Variants in DMD observed in about 807,000 individuals in gnomAD.
The protein encoded by DMD is dystrophin.
DMD carries 63 observed loss-of-function variants against 330.1 expected under a neutral mutation model. The observed-to-expected ratio is 0.19, with a 90% CI of 0.16 to 0.24. DMD has a LOEUF of 0.24. Ranked by LOEUF, DMD falls within the 10% of genes least tolerant of loss-of-function variation. The pLI, the probability that DMD is intolerant of heterozygous loss-of-function variation, is 1.00. For missense variants in DMD, 3,344 were observed against 2,684.1 expected, an observed-to-expected ratio of 1.25 and a Z score of -5.43; for synonymous variants, 1,223 against 959.8, an observed-to-expected ratio of 1.27 and a Z score of -5.07.
chrX:32,323,769 A>C (rs754881039), intron 41 of DMD, among the ~76,000 whole-genome samples: 1 of 111,645 alleles, frequency 9.0e-6, no homozygotes, highest in African/African-American at 3.2e-5. Context: ...ATGAATTATA[A>C]AATTATAGAC....
At chrX:31,675,456 G>A (rs1372525355) in intron 53 of DMD, among the ~76,000 whole-genome samples, 1 of 111,733 alleles carries the variant, frequency 8.9e-6, no homozygotes, top group Non-Finnish European at 1.9e-5. Flanking sequence ...TCCGCCTCCC[G>A]GGTTCAAGCG....
chrX:33,332,712 T>C (rs1189602730), intron 1 of DMD, among the ~76,000 whole-genome samples: 1 of 111,673 alleles, frequency 9.0e-6, no homozygotes, highest in Non-Finnish European at 1.9e-5. Context: ...TAAGATGAAG[T>C]CAAATAAATG....
intron 1 of DMD, among the ~76,000 whole-genome samples, chrX:33,316,624 T>C (rs1361179970): frequency 1.7e-4 from 19 of 111,475 alleles, no homozygotes; most frequent in African/African-American, 6.2e-4. Context: ...AAAGAATCAG[T>C]TTGGCATAAT....
At chrX:31,610,308 T>C (rs1379695872) in intron 55 of DMD, among the ~76,000 whole-genome samples, 1 of 112,077 alleles carries the variant, frequency 8.9e-6, no homozygotes, top group Non-Finnish European at 1.9e-5. Context: ...ACTAACCAAG[T>C]TCTAGCTGGT....
intron 7 of DMD, among the ~76,000 whole-genome samples, chrX:32,712,311 G>A (rs1183752233): frequency 1.8e-5 from 2 of 111,277 alleles, no homozygotes; most frequent in East Asian, 2.8e-4. Context: ...ACAGTCCATA[G>A]CATGAAAAAT....
chrX:31,565,958 T>C (rs140808419), intron 55 of DMD, among the ~76,000 whole-genome samples: 2 of 112,458 alleles, frequency 1.8e-5, no homozygotes, highest in African/African-American at 6.4e-5. Flanking sequence ...CCTAATTGCA[T>C]TGTTTGTTTC....
At chrX:32,913,494 C>A (rs1460040296) in intron 2 of DMD, among the ~76,000 whole-genome samples, 1 of 111,859 alleles carries the variant, frequency 8.9e-6, no homozygotes, top group African/African-American at 3.3e-5. Context: ...CACATGATAC[C>A]AGGTATGAAA....
At chrX:32,291,231 T>C (rs187742172) in intron 42 of DMD, among the ~76,000 whole-genome samples, 15 of 111,916 alleles carry the variant, frequency 1.3e-4, no homozygotes, top group African/African-American at 4.5e-4. Flanking sequence ...ATTTCAAATA[T>C]ATTTGAAAGT....
chrX:32,398,080 C>T (rs958506974), intron 30 of DMD, among the ~76,000 whole-genome samples: 3 of 109,524 alleles, frequency 2.7e-5, no homozygotes, highest in African/African-American at 6.6e-5. Flanking sequence ...ACTTAGAAAA[C>T]GAAAGAAACA....
chrX:33,329,182 C>A (rs1444422202), intron 1 of DMD, among the ~76,000 whole-genome samples: 1 of 111,247 alleles, frequency 9.0e-6, no homozygotes, highest in Non-Finnish European at 1.9e-5. Context: ...AAAAATGGTT[C>A]TCAAATTAAT....
At chrX:32,343,551 T>C (rs1013709583) in intron 39 of DMD, among the ~76,000 whole-genome samples, 2 of 111,948 alleles carry the variant, frequency 1.8e-5, no homozygotes, top group Non-Finnish European at 3.8e-5. Context: ...TTTTGTCACA[T>C]TCAATTGACT....
intron 16 of DMD, among the ~76,000 whole-genome samples, chrX:32,554,952 GGAGAGAGAAAGAAAGAGAGAGAGAGA>G (rs2050128221): frequency 2.4e-5 from 1 of 41,421 alleles, no homozygotes; most frequent in Admixed American, 2.4e-4. Context: ...AGAGAGAGAG[GGAGAGAGAAAGAAAGAGAGAGAGAGA>G]GAGAGAAAGA....
chrX:32,677,718 G>C (rs2062069061), intron 9 of DMD, among the ~76,000 whole-genome samples: 1 of 111,123 alleles, frequency 9.0e-6, no homozygotes, highest in Non-Finnish European at 1.9e-5. Context: ...TCAATTTTTA[G>C]AATAATGATA....
chrX:31,304,816 A>G (rs947330840), intron 62 of DMD, among the ~76,000 whole-genome samples: 2 of 110,875 alleles, frequency 1.8e-5, no homozygotes, highest in African/African-American at 3.3e-5. Context: ...AAGGATGTAT[A>G]TATTGATGAT....
exon 1 of DMD, chrX:33,339,333 A>C: frequency 1.0e-6 from 1 of 984,585 alleles, no homozygotes; most frequent in Non-Finnish European, 1.4e-6. Flanking sequence ...AAGATAGTGC[A>C]AAACAGCATC....
At chrX:31,962,828 T>A (rs971820149) in intron 45 of DMD, among the ~76,000 whole-genome samples, 1 of 110,896 alleles carries the variant, frequency 9.0e-6, no homozygotes, top group African/African-American at 3.3e-5. Context: ...GAAGTTTGAG[T>A]ACAGAGCAAG....
At chrX:31,805,174 G>T (rs1416065081) in intron 50 of DMD, among the ~76,000 whole-genome samples, 3 of 111,729 alleles carry the variant, frequency 2.7e-5, no homozygotes, top group Non-Finnish European at 1.9e-5. Context: ...CTGGAAAATG[G>T]CTTCTTATCC....
chrX:32,015,331 G>T (rs757164164), intron 44 of DMD, among the ~76,000 whole-genome samples: 15 of 111,673 alleles, frequency 1.3e-4, no homozygotes, highest in African/African-American at 4.9e-4. Context: ...TAGGCTTGGG[G>T]TGGGGCCAAG....
chrX:32,369,693 G>A (rs2097866239), intron 34 of DMD, among the ~76,000 whole-genome samples: 1 of 110,622 alleles, frequency 9.0e-6, no homozygotes, highest in African/African-American at 3.3e-5. Flanking sequence ...AGATTTTCTT[G>A]GAATTTCTCA....
Sources: gnomAD v4.1 joint callset for allele counts (sites outside exome capture counted in the v4.1 genomes callset) on GRCh38, gnomAD v4.1.1 for gene constraint, MANE v1.5 for transcripts, NCBI Gene and HGNC (gene_info 2026-07-23, HGNC 2026-07-21) for gene names.